LSAMP: variants seen among roughly 807,000 people sequenced by gnomAD.
LSAMP encodes the protein limbic system associated membrane protein, also known as limbic system-associated membrane protein.
In LSAMP, 7 loss-of-function variants were observed where a neutral mutation model predicts 38.6. The observed-to-expected ratio is 0.18, with a 90% confidence interval of 0.10 to 0.34. LSAMP has a LOEUF of 0.34. Among genes scored for constraint, LSAMP ranks in the 10% least tolerant of loss-of-function variants. The probability of loss-of-function intolerance (pLI) is 1.00; values close to 1 mark genes in which losing one functional copy is unlikely to be tolerated. For missense variants in LSAMP, 313 were observed against 420.0 expected (o/e 0.75, Z 2.23); for synonymous variants, 154 against 166.8 (o/e 0.92, Z 0.59).
intron 1 of LSAMP, among the ~76,000 whole-genome samples, chr3:116,089,410 T>G (rs1049653371): frequency 6.6e-6 from 1 of 152,210 alleles, no homozygotes; most frequent in Middle Eastern, 3.2e-3. Flanking sequence ...CAGGCTAGAG[T>G]GCAGTGGTGC....
intron 1 of LSAMP, among the ~76,000 whole-genome samples, chr3:116,305,747 A>C (rs2107711243): frequency 1.3e-5 from 2 of 152,090 alleles, no homozygotes; most frequent in South Asian, 4.1e-4. Flanking sequence ...ATGTTGAAAA[A>C]CAAACAGAAT....
At position 115,909,975 on chromosome 3, in the gene LSAMP, C is replaced by T. The variant is rs189850486; in HGVS notation, c.515-57358G>A. Reference sequence around the variant, plus strand: ...GGTAGTTATTTTGGGCTTGCAAATTCGTGTAAGTCATTGACGCAATGTGCT... The same window carrying T: ...GGTAGTTATTTTGGGCTTGCAAATTTGTGTAAGTCATTGACGCAATGTGCT... On this transcript the variant is annotated intron_variant, in intron 3 of 6. Transcript: ENST00000490035. 4.1e-3 allele frequency among the ~76,000 whole-genome samples: 627 copies of T among 152,180 alleles called. 3 individuals are homozygous for T. Among genetic ancestry groups the T allele is most frequent in the Non-Finnish European group, 6.6e-3 (450 of 68,012 alleles).
chr3:115,829,567 T>C (rs902585154), intron 6 of LSAMP, among the ~76,000 whole-genome samples: 5 of 152,194 alleles, frequency 3.3e-5, no homozygotes, highest in Non-Finnish European at 7.3e-5. Flanking sequence ...GGACATACTT[T>C]ATACCCTTGA....
chr3:116,401,249 T>C (rs993090497), intron 1 of LSAMP, among the ~76,000 whole-genome samples: 4 of 152,202 alleles, frequency 2.6e-5, no homozygotes, highest in Non-Finnish European at 4.4e-5. Context: ...ACATCTGGAA[T>C]GATTTCTTTA....
chr3:116,258,253 C>T (rs78555039), intron 1 of LSAMP, among the ~76,000 whole-genome samples: 5,497 of 151,654 alleles, frequency 0.036, 330 homozygotes, highest in African/African-American at 0.12. Flanking sequence ...TATTTTCCAA[C>T]CTATATTATA....
intron 3 of LSAMP, among the ~76,000 whole-genome samples, chr3:115,952,628 A>T (rs1435361170): frequency 6.6e-6 from 1 of 152,174 alleles, no homozygotes; most frequent in Non-Finnish European, 1.5e-5. Context: ...TACACTGCTC[A>T]GGTAATGGGT....
chr3:116,066,635 T>C (rs570816811), intron 2 of LSAMP, among the ~76,000 whole-genome samples: 6 of 152,324 alleles, frequency 3.9e-5, no homozygotes, highest in African/African-American at 1.4e-4. Context: ...ATGTTTTCCA[T>C]TTGAAGACCC....
intron 1 of LSAMP, among the ~76,000 whole-genome samples, chr3:116,161,122 T>C (rs996442957): frequency 6.6e-6 from 1 of 152,210 alleles, no homozygotes; most frequent in Admixed American, 6.5e-5. Context: ...ATGTGGCTAG[T>C]GGCTGCCACA....
At chr3:115,969,302 T>A (rs1938933634) in intron 3 of LSAMP, among the ~76,000 whole-genome samples, 1 of 152,226 alleles carries the variant, frequency 6.6e-6, no homozygotes, top group African/African-American at 2.4e-5. Context: ...TTCTTTTGAA[T>A]GTACGAATAA....
At chr3:116,194,639 G>A (rs144861130) in intron 1 of LSAMP, among the ~76,000 whole-genome samples, 10 of 152,186 alleles carry the variant, frequency 6.6e-5, no homozygotes, top group African/African-American at 2.4e-4. Flanking sequence ...GTCGTGATCC[G>A]CCCACCTCGG....
intron 1 of LSAMP, among the ~76,000 whole-genome samples, chr3:116,387,328 T>C (rs1331928415): frequency 6.6e-6 from 1 of 152,076 alleles, no homozygotes; most frequent in Non-Finnish European, 1.5e-5. Context: ...TCCAGCATTA[T>C]AAATAAGGAA....
At chr3:116,349,994 C>A (rs921610005) in intron 1 of LSAMP, among the ~76,000 whole-genome samples, 1 of 151,974 alleles carries the variant, frequency 6.6e-6, no homozygotes, top group Non-Finnish European at 1.5e-5. Context: ...CATTTAATTA[C>A]TTCAGGGAGG....
intron 1 of LSAMP, among the ~76,000 whole-genome samples, chr3:116,106,082 T>C (rs1708460057): frequency 6.6e-6 from 1 of 151,948 alleles, no homozygotes; most frequent in African/African-American, 2.4e-5. Context: ...CTAAATGGAA[T>C]AAGAGAAAGA....
intron 1 of LSAMP, among the ~76,000 whole-genome samples, chr3:116,100,013 CCT>C (rs1452736066): frequency 6.8e-6 from 1 of 146,438 alleles, no homozygotes; most frequent in African/African-American, 2.6e-5. Context: ...TTCTAAATTC[CCT>C]GTTATCAGTT....
intron 3 of LSAMP, among the ~76,000 whole-genome samples, chr3:116,000,307 C>G (rs1576296476): frequency 2.6e-5 from 4 of 152,098 alleles, no homozygotes; most frequent in African/African-American, 7.2e-5. Flanking sequence ...GATACAAGAA[C>G]TATATATGTA....
chr3:115,832,464 G>A (rs1057238420), intron 6 of LSAMP, among the ~76,000 whole-genome samples: 6 of 152,068 alleles, frequency 3.9e-5, no homozygotes, highest in Non-Finnish European at 5.9e-5. Context: ...CCACAGTGAG[G>A]CATGCTTCTC....
At chr3:116,298,207 A>G (rs558285659) in intron 1 of LSAMP, among the ~76,000 whole-genome samples, 117 of 152,330 alleles carry the variant, frequency 7.7e-4, no homozygotes, top group South Asian at 1.4e-3. Context: ...CTTGGAAGCT[A>G]AAGAAACCTT....
At chr3:116,400,361 T>C (rs761477991) in intron 1 of LSAMP, among the ~76,000 whole-genome samples, 21 of 151,974 alleles carry the variant, frequency 1.4e-4, no homozygotes, top group Admixed American at 1.3e-4. Context: ...TCCTCTTTCT[T>C]TCTTCCTTCC....
At chr3:115,993,999 T>A (rs984743818) in intron 3 of LSAMP, among the ~76,000 whole-genome samples, 1 of 152,226 alleles carries the variant, frequency 6.6e-6, no homozygotes, top group African/African-American at 2.4e-5. Flanking sequence ...TTCTAGAGCT[T>A]TTACATGGTG....
Sources: allele counts gnomAD v4.1 joint callset (sites outside exome capture counted in the v4.1 genomes callset), GRCh38; gene constraint gnomAD v4.1.1; transcripts MANE v1.5; gene names NCBI Gene and HGNC (gene_info 2026-07-23, HGNC 2026-07-21).